Variants in UTRN observed in about 807,000 individuals in gnomAD.
The protein encoded by UTRN is utrophin, also known as dystrophin-related protein 1.
A neutral mutation model predicts 463.9 loss-of-function variants in UTRN; 283 were observed. The observed-to-expected ratio is 0.61, with a 90% CI of 0.55 to 0.67. The LOEUF (loss-of-function observed/expected upper bound fraction) is 0.67, where lower values mean the gene tolerates loss of function less well. Among genes scored for constraint, UTRN ranks in the 30% least tolerant of loss-of-function variants. UTRN has a pLI of 0.00. For synonymous variants in UTRN, 1,442 were observed against 1,431.5 expected, an observed-to-expected ratio of 1.01 and a Z score of -0.17; for missense variants, 3,922 against 4,084.3, an observed-to-expected ratio of 0.96 and a Z score of 1.08.
At chr6:144,751,327 A>T (rs1791368259) in intron 55 of UTRN, among the ~76,000 whole-genome samples, 1 of 152,214 alleles carries the variant, frequency 6.6e-6, no homozygotes, top group East Asian at 1.9e-4. Flanking sequence ...TAATCATTTT[A>T]AAAGTTTGAA....
intron 71 of UTRN, 37 bp downstream of exon 71, chr6:144,836,578 G>A (rs568849944): frequency 1.9e-6 from 3 of 1,608,790 alleles, no homozygotes; most frequent in Admixed American, 3.3e-5. Flanking sequence ...ACCTCCCCAG[G>A]CCATCTGTCC....
chr6:144,510,322 C>G (rs1177242548), intron 34 of UTRN, among the ~76,000 whole-genome samples: 1 of 152,208 alleles, frequency 6.6e-6, no homozygotes, highest in Non-Finnish European at 1.5e-5. Flanking sequence ...ACTTTATCAT[C>G]ATACCATCCA....
In UTRN at chr6:144,453,924, A is replaced by G. The variant is rs915249263; in HGVS notation, c.2284+55A>G. 1.4e-5 allele frequency: 21 copies of G among 1,492,884 alleles called. 1 individual carries two copies. In the South Asian group the frequency reaches 2.5e-4, roughly 18 times the overall value. The allele number at this position is 1,492,884 out of a possible 1,614,324, so 92.5% of individuals were successfully genotyped here. On this transcript the variant is annotated intron_variant, in intron 19 of 74. Transcript: ENST00000367545. ...TTTTCAGATGGTGGCATCGAATAAT[A>G]TTACAGTTTGCCCTATTAAATATTT...
chr6:144,757,020 A>G (rs1792066807), intron 57 of UTRN, among the ~76,000 whole-genome samples: 2 of 152,038 alleles, frequency 1.3e-5, no homozygotes, highest in Non-Finnish European at 2.9e-5. Flanking sequence ...TGAAATTGAG[A>G]AAAAAAGTAT....
Position 144,561,254 on chromosome 6 carries a change from TATATATAC to T in UTRN, c.7289+3947_7289+3954del, listed in dbSNP as rs1387493488. Among the ~76,000 whole-genome samples, 139 of 54,710 alleles carry T rather than the reference TATATATAC, an allele frequency of 2.5e-3. 4 individuals are homozygous for T. The highest frequency in any genetic ancestry group is 0.017 in the Middle Eastern group (1 of 60). The allele number at this position is 54,710 out of a possible 152,430, so 35.9% of individuals were successfully genotyped here. A position where few individuals can be genotyped will look rare whatever the true frequency, so the allele number is the denominator to read the frequency against. On this transcript the variant is annotated intron_variant, in intron 50 of 74. Coordinates refer to ENST00000367545, the MANE Select transcript of UTRN (RefSeq NM_007124.3). ...ATATATATATATATATATATATATA[TATATATAC>T]ATACACACACACACGTATACACACC...
intron 53 of UTRN, among the ~76,000 whole-genome samples, chr6:144,713,781 A>G (rs1786035342): frequency 7.1e-6 from 1 of 141,820 alleles, no homozygotes; most frequent in Non-Finnish European, 1.5e-5. Context: ...TTTGTCAGGC[A>G]TAGCGGCACA....
intron 58 of UTRN, among the ~76,000 whole-genome samples, chr6:144,766,042 T>C (rs983923332): frequency 2.6e-5 from 4 of 151,360 alleles, no homozygotes; most frequent in Non-Finnish European, 4.4e-5. Context: ...ACCTGAGGAA[T>C]ATATAAGTTA....
intron 41 of UTRN, among the ~76,000 whole-genome samples, chr6:144,525,234 TC>T (rs1796463291): frequency 1.3e-5 from 2 of 152,144 alleles, no homozygotes; most frequent in Admixed American, 1.3e-4. Context: ...TCTTTCTCTA[TC>T]TTTTGGATAG....
chr6:144,590,849 CA>C (rs1401982092), intron 51 of UTRN, among the ~76,000 whole-genome samples: 1 of 125,338 alleles, frequency 8.0e-6, no homozygotes, highest in Non-Finnish European at 1.6e-5. Flanking sequence ...AATCTACACA[CA>C]CACACACACA....
chr6:144,301,764 AC>A (rs994996799), intron 2 of UTRN, among the ~76,000 whole-genome samples: 1 of 151,502 alleles, frequency 6.6e-6, no homozygotes, highest in African/African-American at 2.4e-5. Flanking sequence ...TGAGCTCCTA[AC>A]CTCAAGTGAA....
rs1586292211 is a variant in UTRN, at chr6:144,735,277, G to T, written c.7939+4791G>T. ...TGGAGAGAGGTTGATTCCTGAGCTA[G>T]TCTTAGGGGTATGGACAGGTAGGAA... is the stretch of plus-strand genomic sequence containing the variant. On this transcript the variant is annotated intron_variant, in intron 54 of 74. Transcript: ENST00000367545. 3.9e-5 allele frequency among the ~76,000 whole-genome samples: 6 copies of T among 152,300 alleles called. No homozygotes were observed. The South Asian group carries it at 1.2e-3, about 32-fold the overall frequency.
At chr6:144,537,816 T>A in intron 44 of UTRN, 99 bp downstream of exon 44, 1 of 1,476,138 alleles carries the variant, frequency 6.8e-7, no homozygotes, top group Non-Finnish European at 9.1e-7. Context: ...AAAAGAAACT[T>A]TGTACTTTTT....
intron 51 of UTRN, among the ~76,000 whole-genome samples, chr6:144,656,274 C>T (rs1779299361): frequency 6.6e-6 from 1 of 152,138 alleles, no homozygotes; most frequent in Non-Finnish European, 1.5e-5. Flanking sequence ...ATTGCTTACA[C>T]TGGAGGCATC....
At chr6:144,585,499 A>G (rs1167500182) in intron 51 of UTRN, among the ~76,000 whole-genome samples, 1 of 152,126 alleles carries the variant, frequency 6.6e-6, no homozygotes, top group Admixed American at 6.5e-5. Flanking sequence ...ATTACTATGA[A>G]ATAAATAAAC....
intron 52 of UTRN, 56 bp downstream of exon 52, chr6:144,678,634 T>A: frequency 7.0e-7 from 1 of 1,438,446 alleles, no homozygotes; most frequent in Non-Finnish European, 9.3e-7. Flanking sequence ...TAGATACTTG[T>A]GATTTTTGTA....
At chr6:144,847,275 T>C (rs1420630229) in intron 74 of UTRN, among the ~76,000 whole-genome samples, 1 of 152,224 alleles carries the variant, frequency 6.6e-6, no homozygotes, top group Non-Finnish European at 1.5e-5. Context: ...TGTACCCTTA[T>C]GCCTTTTAGT....
intron 51 of UTRN, among the ~76,000 whole-genome samples, chr6:144,637,936 A>G (rs1266689092): frequency 6.6e-6 from 1 of 152,252 alleles, no homozygotes; most frequent in Non-Finnish European, 1.5e-5. Flanking sequence ...CTTTTAAACA[A>G]CTTGAGTGAA....
rs555537395 is a variant in UTRN at position 144,481,468 on chromosome 6, A to G, written c.3508-741A>G. Among the ~76,000 whole-genome samples, 6 of 152,308 alleles carry G rather than the reference A, an allele frequency of 3.9e-5. No individual in the cohort carries two copies. The South Asian group carries it at 1.0e-3, about 26-fold the overall frequency. On this transcript the variant is annotated intron_variant, in intron 26 of 74. Transcript: ENST00000367545. ...AGGATACATGTGCCTATGTTCTATA[A>G]TTTTTTAAAAAGCTTAAATTATTTA...
At chr6:144,779,857 T>G (rs889738745) in intron 60 of UTRN, among the ~76,000 whole-genome samples, 1 of 152,180 alleles carries the variant, frequency 6.6e-6, no homozygotes, top group Non-Finnish European at 1.5e-5. Flanking sequence ...TTATTTTTGT[T>G]ATTAGCTTAA....
Sources: gnomAD v4.1 joint callset for allele counts (sites outside exome capture counted in the v4.1 genomes callset) on GRCh38, gnomAD v4.1.1 for gene constraint, MANE v1.5 for transcripts, NCBI Gene and HGNC (gene_info 2026-07-23, HGNC 2026-07-21) for gene names.